The following MBNL1 variants were observed in gnomAD, a reference collection of about 807,000 sequenced individuals.
MBNL1 encodes muscleblind like splicing regulator 1.
A neutral mutation model predicts 42.2 loss-of-function variants in MBNL1; 8 were observed. That is an observed-to-expected ratio of 0.19 (90% confidence interval 0.11 to 0.34). The LOEUF (loss-of-function observed/expected upper bound fraction) is 0.34, where lower values mean the gene tolerates loss of function less well. Among genes scored for constraint, MBNL1 ranks in the 10% least tolerant of loss-of-function variants. The probability of loss-of-function intolerance (pLI) is 1.00; values close to 1 mark genes in which losing one functional copy is unlikely to be tolerated. For missense variants in MBNL1, 309 were observed against 495.3 expected, an observed-to-expected ratio of 0.62 and a Z score of 3.57; for synonymous variants, 169 against 173.9, an observed-to-expected ratio of 0.97 and a Z score of 0.22.
intron 2 of MBNL1, among the ~76,000 whole-genome samples, chr3:152,311,422 A>G (rs889176202): frequency 3.3e-5 from 5 of 152,200 alleles, no homozygotes. Context: ...AAACCTTTGT[A>G]AATCTTTACA....
At chr3:152,284,245 A>G (rs2050238881) in intron 1 of MBNL1, among the ~76,000 whole-genome samples, 1 of 152,152 alleles carries the variant, frequency 6.6e-6, no homozygotes, top group Non-Finnish European at 1.5e-5. Context: ...AAAGAAAGAA[A>G]ACCTAAAAAA....
intron 2 of MBNL1, among the ~76,000 whole-genome samples, chr3:152,391,078 T>C (rs963979680): frequency 2.0e-5 from 3 of 152,238 alleles, no homozygotes; most frequent in African/African-American, 7.2e-5. Flanking sequence ...GGAGATAGTA[T>C]AGTTATTCCC....
At chr3:152,392,146 A>G (rs944829033) in intron 2 of MBNL1, among the ~76,000 whole-genome samples, 30 of 152,190 alleles carry the variant, frequency 2.0e-4, no homozygotes, top group African/African-American at 7.2e-4. Flanking sequence ...GTAGTGGCAT[A>G]AAGACTTTTC....
chr3:152,274,983 G>A (rs2044103844), intron 1 of MBNL1, among the ~76,000 whole-genome samples: 2 of 152,104 alleles, frequency 1.3e-5, no homozygotes, highest in Admixed American at 6.5e-5. Context: ...TTCTTAACTT[G>A]TCTCAGTATT....
chr3:152,253,915 A>G (rs1430008405), intron 2 of MBNL1, among the ~76,000 whole-genome samples: 1 of 152,114 alleles, frequency 6.6e-6, no homozygotes, highest in African/African-American at 2.4e-5. Flanking sequence ...GTTACACAAC[A>G]TGTTGATTTT....
chr3:152,285,929 CTTT>C (rs113377399), intron 1 of MBNL1, among the ~76,000 whole-genome samples: 1 of 145,104 alleles, frequency 6.9e-6, no homozygotes, highest in African/African-American at 2.5e-5. Context: ...CATCCTGAAA[CTTT>C]TTTTTTTTTA....
intron 1 of MBNL1, among the ~76,000 whole-genome samples, chr3:152,294,943 C>A (rs888043550): frequency 1.2e-4 from 18 of 152,076 alleles, no homozygotes; most frequent in Middle Eastern, 3.2e-3. Flanking sequence ...AAACAATAAT[C>A]TGATATCAGC....
Position 152,338,103 on chromosome 3 carries a change from T to C in MBNL1, c.174+37736T>C. Reference sequence around the variant, plus strand: ...TAGGCATGCTATAATATGTATTCCTTACTTTTCTTTCTAGAACTAAATCTC... The same window carrying C: ...TAGGCATGCTATAATATGTATTCCTCACTTTTCTTTCTAGAACTAAATCTC... On this transcript the variant is annotated intron_variant, in intron 2 of 9. Coordinates refer to ENST00000324210, the MANE Select transcript of MBNL1 (RefSeq NM_021038.5). 4.1e-6 allele frequency: 4 copies of C among 974,356 alleles called. No homozygotes were observed. In the African/African-American group the frequency reaches 7.0e-5, roughly 17 times the overall value. The allele number at this position is 974,356 out of a possible 1,614,324, so 60.4% of individuals were successfully genotyped here. A position where few individuals can be genotyped will look rare whatever the true frequency, so the allele number is the denominator to read the frequency against.
At position 152,463,944 on chromosome 3, in the gene MBNL1, T is replaced by C. The variant is rs1472361984; in HGVS notation, c.*1578T>C. On this transcript the variant is annotated 3_prime_UTR_variant, in exon 10 of 10. Coordinates refer to ENST00000324210, the MANE Select transcript of MBNL1 (RefSeq NM_021038.5). ...TGCTTGAGAGAGATGCTTTCTAATA[T>C]AAGACTGATGTGTTGATTTTACTGA... 1.3e-5 allele frequency: 2 copies of C among 152,556 alleles called. No homozygotes were observed. Among genetic ancestry groups the C allele is most frequent in the East Asian group, 3.8e-4 (2 of 5,196 alleles). 9.5% of individuals were successfully genotyped at this position (152,556 alleles called of 1,614,324 possible). A position where few individuals can be genotyped will look rare whatever the true frequency, so the allele number is the denominator to read the frequency against.
chr3:152,438,424 T>G (rs2099106711), intron 4 of MBNL1, among the ~76,000 whole-genome samples: 1 of 152,210 alleles, frequency 6.6e-6, no homozygotes, highest in Non-Finnish European at 1.5e-5. Context: ...TATTCAGGAC[T>G]CAGGGTAATC....
chr3:152,389,983 C>G (rs1189667782), intron 2 of MBNL1, among the ~76,000 whole-genome samples: 1 of 151,966 alleles, frequency 6.6e-6, no homozygotes, highest in Non-Finnish European at 1.5e-5. Context: ...TCAAGAAATT[C>G]TCCTGCCTCA....
At position 152,459,434 on chromosome 3, in the gene MBNL1, T is replaced by C. The variant is rs535064646; in HGVS notation, c.*18+89T>C. 5.7e-6 allele frequency: 3 copies of C among 530,388 alleles called. No individual in the cohort carries two copies. The South Asian group carries it at 1.4e-4, about 24-fold the overall frequency. The allele number at this position is 530,388 out of a possible 1,614,324, so 32.9% of individuals were successfully genotyped here. A position where few individuals can be genotyped will look rare whatever the true frequency, so the allele number is the denominator to read the frequency against. ...ATAGTGCACTTAAAATTTTGCGAAA[T>C]CTCTGAGAAAATATATACAGATCAC... On this transcript the variant is annotated intron_variant, in intron 9 of 9. Transcript: ENST00000324210.
At chr3:152,307,115 G>A (rs560325785) in intron 2 of MBNL1, among the ~76,000 whole-genome samples, 5 of 152,068 alleles carry the variant, frequency 3.3e-5, no homozygotes, top group East Asian at 1.9e-4. Context: ...TCAACCTCCC[G>A]AGTAGCTGGT....
intron 1 of MBNL1, among the ~76,000 whole-genome samples, chr3:152,275,008 A>G (rs946549353): frequency 6.6e-6 from 1 of 152,184 alleles, no homozygotes; most frequent in Non-Finnish European, 1.5e-5. Flanking sequence ...TTTACAGCCC[A>G]TTTTCAGCTT....
At chr3:152,375,819 CAA>C (rs398052367) in intron 2 of MBNL1, among the ~76,000 whole-genome samples, 14 of 126,390 alleles carry the variant, frequency 1.1e-4, no homozygotes, top group East Asian at 2.3e-4. Context: ...GACCTTGTCT[CAA>C]AAAAAAAAAA....
At chr3:152,259,561 G>A (rs1412782020) in intron 2 of MBNL1, among the ~76,000 whole-genome samples, 1 of 152,216 alleles carries the variant, frequency 6.6e-6, no homozygotes, top group East Asian at 1.9e-4. Flanking sequence ...AAGCTGGCTA[G>A]CTTTGTCTGT....
At chr3:152,260,700 A>C (rs1030687518) in intron 2 of MBNL1, among the ~76,000 whole-genome samples, 3 of 152,216 alleles carry the variant, frequency 2.0e-5, no homozygotes, top group Admixed American at 2.0e-4. Flanking sequence ...ACAGCAAACT[A>C]AGCATTTTAG....
At chr3:152,293,736 A>G (rs1401944479) in intron 1 of MBNL1, among the ~76,000 whole-genome samples, 1 of 152,218 alleles carries the variant, frequency 6.6e-6, no homozygotes, top group East Asian at 1.9e-4. Flanking sequence ...CTTCAAAATT[A>G]CCAGCTAACT....
chr3:152,347,389 A>G (rs917102878), intron 2 of MBNL1, among the ~76,000 whole-genome samples: 4 of 152,144 alleles, frequency 2.6e-5, no homozygotes, highest in Non-Finnish European at 5.9e-5. Context: ...CCTCAAATTG[A>G]GTTAAAATTA....
Sources: gnomAD v4.1 joint callset for allele counts (sites outside exome capture counted in the v4.1 genomes callset) on GRCh38, gnomAD v4.1.1 for gene constraint, MANE v1.5 for transcripts, NCBI Gene and HGNC (gene_info 2026-07-23, HGNC 2026-07-21) for gene names.